Variants in HMGB1 observed in about 807,000 individuals in gnomAD.
The protein encoded by HMGB1 is high mobility group box 1.
For missense variants in HMGB1, 79 were observed against 253.5 expected (o/e 0.31, Z 4.67); for synonymous variants, 81 against 84.0 (o/e 0.96, Z 0.19).
At chr13:30,552,968 T>C (rs1869496832) in intron 1 of HMGB1, among the ~76,000 whole-genome samples, 1 of 152,168 alleles carries the variant, frequency 6.6e-6, no homozygotes, top group East Asian at 1.9e-4. Context: ...AGGAGTCCCA[T>C]GGGAACCACT....
intron 1 of HMGB1, among the ~76,000 whole-genome samples, chr13:30,605,718 C>T (rs1299010371): frequency 2.0e-5 from 3 of 152,106 alleles, no homozygotes; most frequent in Non-Finnish European, 4.4e-5. Flanking sequence ...TTGCAAAGCT[C>T]AGTGAAGAAA....
At chr13:30,505,170 C>T (rs552549616) in intron 1 of HMGB1, among the ~76,000 whole-genome samples, 15 of 148,576 alleles carry the variant, frequency 1.0e-4, no homozygotes, top group East Asian at 7.9e-4. Context: ...TTGTTGTTGT[C>T]GTTGTTGTTG....
chr13:30,581,808 C>T (rs565423308), intron 1 of HMGB1, among the ~76,000 whole-genome samples: 4 of 152,292 alleles, frequency 2.6e-5, no homozygotes, highest in Non-Finnish European at 5.9e-5. Context: ...TGAACAAGTG[C>T]TCAGCTATGC....
chr13:30,599,820 G>A (rs181084282), intron 1 of HMGB1, among the ~76,000 whole-genome samples: 27 of 152,236 alleles, frequency 1.8e-4, no homozygotes, highest in Admixed American at 1.6e-3. Context: ...AGTTCCAGGG[G>A]ATTAGGGCTT....
chr13:30,580,052 T>C (rs1870834926), intron 1 of HMGB1, among the ~76,000 whole-genome samples: 1 of 152,162 alleles, frequency 6.6e-6, no homozygotes, highest in Non-Finnish European at 1.5e-5. Context: ...TAACTATCAG[T>C]CTCCTAAACC....
chr13:30,507,702 C>G (rs1887898852), intron 1 of HMGB1, among the ~76,000 whole-genome samples: 1 of 152,206 alleles, frequency 6.6e-6, no homozygotes, highest in African/African-American at 2.4e-5. Flanking sequence ...CAGAAGACAT[C>G]CCTACGCACC....
rs536261296 is a variant in HMGB1, at chr13:30,537,956, C to T, written c.-14-74262G>A. 5.9e-5 allele frequency among the ~76,000 whole-genome samples: 9 copies of T among 152,084 alleles called. No homozygotes were observed. In the South Asian group the frequency reaches 1.7e-3, roughly 28 times the overall value. On this transcript the variant is annotated intron_variant, in intron 1 of 4. Coordinates refer to the HMGB1 transcript ENST00000405805. ...TATTTTTTAACACAACATCAAGTTT[C>T]CTTTATCATCTATAATACAGTTATA... is the stretch of plus-strand genomic sequence containing the variant.
At chr13:30,597,299 C>T (rs1190720292) in intron 1 of HMGB1, among the ~76,000 whole-genome samples, 1 of 152,094 alleles carries the variant, frequency 6.6e-6, no homozygotes, top group African/African-American at 2.4e-5. Context: ...GAGACCGGGG[C>T]GGTACATCTA....
chr13:30,486,915 G>C (rs1280954022), intron 1 of HMGB1, among the ~76,000 whole-genome samples: 2 of 152,156 alleles, frequency 1.3e-5, no homozygotes, highest in Non-Finnish European at 2.9e-5. Flanking sequence ...CTGCCCGAGG[G>C]ACTGCACCGC....
intron 1 of HMGB1, among the ~76,000 whole-genome samples, chr13:30,516,828 G>C (rs1276869265): frequency 6.6e-6 from 1 of 152,046 alleles, no homozygotes; most frequent in African/African-American, 2.4e-5. Flanking sequence ...AAGGTGAGAG[G>C]ATCACTTGAG....
chr13:30,580,207 G>T (rs1055731406), intron 1 of HMGB1, among the ~76,000 whole-genome samples: 2 of 152,112 alleles, frequency 1.3e-5, no homozygotes, highest in Non-Finnish European at 2.9e-5. Flanking sequence ...AAGTTCTAGT[G>T]CAACATCAGA....
chr13:30,572,997 C>T (rs929980995), intron 1 of HMGB1, among the ~76,000 whole-genome samples: 1 of 152,220 alleles, frequency 6.6e-6, no homozygotes, highest in Non-Finnish European at 1.5e-5. Flanking sequence ...GGTGTAAGCA[C>T]ACCATCAGAA....
Position 30,505,413 on chromosome 13 carries a change from C to T in HMGB1, c.-14-41719G>A, listed in dbSNP as rs541508036. Among the ~76,000 whole-genome samples the T allele has an allele frequency of 5.6e-4, 84 of 150,060 alleles. 1 individual carries two copies. Among genetic ancestry groups the T allele is most frequent in the Non-Finnish European group, 1.0e-3 (69 of 67,996 alleles). ...CAGGATGGTCTCCATCTCCTGACCT[C>T]GTGATCAGCCCACCTTGACCTCCCA... On this transcript the variant is annotated intron_variant, in intron 1 of 4. Coordinates refer to the HMGB1 transcript ENST00000405805.
At chr13:30,538,239 G>A (rs74756836) in intron 1 of HMGB1, among the ~76,000 whole-genome samples, 11,176 of 152,176 alleles carry the variant, frequency 0.073, 479 homozygotes, top group Middle Eastern at 0.13. Flanking sequence ...GTTTCCATCC[G>A]ACTGACAGGA....
upstream of HMGB1, among the ~76,000 whole-genome samples, chr13:30,467,966 A>T (rs1453978100): frequency 6.6e-6 from 1 of 152,190 alleles, no homozygotes; most frequent in Non-Finnish European, 1.5e-5. Flanking sequence ...TATGGTGAGT[A>T]ATAGGCACTG....
At position 30,606,194 on chromosome 13, in the gene HMGB1, A is replaced by G. The variant is rs554795946; in HGVS notation, c.-15+10477T>C. Among the ~76,000 whole-genome samples, 9 of 152,312 alleles carry G rather than the reference A, an allele frequency of 5.9e-5. No individual in the cohort carries two copies. The South Asian group carries it at 1.2e-3, about 21-fold the overall frequency. On this transcript the variant is annotated intron_variant, in intron 1 of 4. Transcript: ENST00000405805. Reference sequence around the variant, plus strand: ...CATTGAACTTGTTTTTCTATTCTAGAAGGATAGTTTTTTAGGGTAGTGAAT... The same window carrying G: ...CATTGAACTTGTTTTTCTATTCTAGGAGGATAGTTTTTTAGGGTAGTGAAT...
chr13:30,603,839 T>C (rs746132339), intron 1 of HMGB1, among the ~76,000 whole-genome samples: 27 of 152,226 alleles, frequency 1.8e-4, no homozygotes, highest in Non-Finnish European at 2.9e-4. Flanking sequence ...ATAGTTGTTA[T>C]ACTGTATTGT....
chr13:30,609,091 G>A (rs957600268), intron 1 of HMGB1, among the ~76,000 whole-genome samples: 1 of 149,858 alleles, frequency 6.7e-6, no homozygotes. Flanking sequence ...GTGAAACCCC[G>A]TCTCTACTAA....
At chr13:30,523,587 G>A (rs1888287072) in intron 1 of HMGB1, among the ~76,000 whole-genome samples, 1 of 152,076 alleles carries the variant, frequency 6.6e-6, no homozygotes. Context: ...AATGATATTA[G>A]GATAGGGCCC....
Sources: gnomAD v4.1 joint callset for allele counts (sites outside exome capture counted in the v4.1 genomes callset) on GRCh38, gnomAD v4.1.1 for gene constraint, MANE v1.5 for transcripts, NCBI Gene and HGNC (gene_info 2026-07-23, HGNC 2026-07-21) for gene names.